AGO1: variants seen among roughly 807,000 people sequenced by gnomAD.
The protein encoded by AGO1 is protein argonaute-1.
AGO1 carries 11 observed loss-of-function variants against 109.2 expected under a neutral mutation model. The observed-to-expected ratio is 0.10, with a 90% CI of 0.06 to 0.17. The LOEUF (loss-of-function observed/expected upper bound fraction) is 0.17. Among genes scored for constraint, AGO1 ranks in the 10% least tolerant of loss-of-function variants. The pLI, the probability that AGO1 is intolerant of heterozygous loss-of-function variation, is 1.00. For missense variants in AGO1, 574 were observed against 1,140.3 expected, an observed-to-expected ratio of 0.50 and a Z score of 7.15; for synonymous variants, 422 against 418.6, an observed-to-expected ratio of 1.01 and a Z score of -0.10.
At chr1:35,917,981 C>T (rs538830472) in intron 16 of AGO1, among the ~76,000 whole-genome samples, 1 of 152,214 alleles carries the variant, frequency 6.6e-6, no homozygotes, top group South Asian at 2.1e-4. Context: ...AGACCAGCTC[C>T]TAGAGAAGGG....
intron 12 of AGO1, among the ~76,000 whole-genome samples, chr1:35,909,261 G>C: frequency 6.6e-6 from 1 of 152,192 alleles, no homozygotes; most frequent in East Asian, 1.9e-4. Context: ...ATCTTGCACT[G>C]TTCACTTGCC....
At chr1:35,882,460 A>G (rs144730923), upstream of AGO1, among the ~76,000 whole-genome samples, 47 of 152,302 alleles carry the variant, frequency 3.1e-4, no homozygotes, top group Admixed American at 5.9e-4. This position sits in a 1 kb window ranked among gnomAD's most constrained non-coding sequence, Gnocchi z 5.1. Context: ...AGGGAAGTAG[A>G]GGCACAGTGA....
At chr1:35,878,904 T>C (rs1471602912), upstream of AGO1, among the ~76,000 whole-genome samples, 1 of 152,118 alleles carries the variant, frequency 6.6e-6, no homozygotes, top group Non-Finnish European at 1.5e-5. Flanking sequence ...TGTTTTTTTT[T>C]TTAACATTAA....
At chr1:35,891,909 G>A (rs1234234408) in intron 2 of AGO1, among the ~76,000 whole-genome samples, 8 of 148,326 alleles carry the variant, frequency 5.4e-5, no homozygotes, top group African/African-American at 1.2e-4. Flanking sequence ...ACAGGGTCTC[G>A]CTGTGTCCCC....
chr1:35,871,779 A>AG (rs912505067), intron 1 of AGO1, among the ~76,000 whole-genome samples: 12 of 151,678 alleles, frequency 7.9e-5, no homozygotes, highest in Non-Finnish European at 1.6e-4. Flanking sequence ...TAAAAAAAAA[A>AG]TAATTGTTGC....
Position 35,903,734 on chromosome 1 carries a change from GC to G in AGO1, c.1397+1398del, listed in dbSNP as rs1645464591. On this transcript the variant is annotated intron_variant, in intron 11 of 18. Transcript: ENST00000373204. ...AAACCCAGCACTTTGGGAGGCTGAGGCGGGCGGATCACAAGGTCAGTAGTTT... is the reference window on the plus strand; with the variant it reads ...AAACCCAGCACTTTGGGAGGCTGAGGGGGCGGATCACAAGGTCAGTAGTTT... 2.0e-5 allele frequency among the ~76,000 whole-genome samples: 3 copies of G among 151,966 alleles called. No individual in the cohort carries two copies. The South Asian group carries it at 6.2e-4, about 32-fold the overall frequency.
At chr1:35,910,174 G>A (rs377083690) in intron 12 of AGO1, among the ~76,000 whole-genome samples, 1 of 147,390 alleles carries the variant, frequency 6.8e-6, no homozygotes, top group Non-Finnish European at 1.5e-5. Context: ...GCAGAAAAGA[G>A]TACCAGTCAG....
At position 35,930,526 on chromosome 1, in the gene AGO1, A is replaced by G. The variant is rs1646017835; in HGVS notation, c.*10919A>G. On this transcript the variant is annotated 3_prime_UTR_variant, in exon 19 of 19. Transcript: ENST00000373204. Reference sequence around the variant, plus strand: ...GAGGCGCTATTAAAGAGTTTTAAACATGGAAATTACTCGATCTGATGTTTG... The same window carrying G: ...GAGGCGCTATTAAAGAGTTTTAAACGTGGAAATTACTCGATCTGATGTTTG... 6.6e-6 allele frequency: 1 copy of G among 152,240 alleles called. No homozygotes were observed. The highest frequency in any genetic ancestry group is 1.5e-5 in the Non-Finnish European group (1 of 68,038). The allele number at this position is 152,240 out of a possible 1,614,324, so 9.4% of individuals were successfully genotyped here.
At chr1:35,908,372 A>G (rs569536487) in intron 12 of AGO1, among the ~76,000 whole-genome samples, 26 of 152,242 alleles carry the variant, frequency 1.7e-4, no homozygotes, top group Admixed American at 9.8e-4. Flanking sequence ...CTGCCTTTAC[A>G]TTTTATTAAA....
chr1:35,897,443 G>A (rs545560185), intron 8 of AGO1, among the ~76,000 whole-genome samples: 10 of 152,286 alleles, frequency 6.6e-5, no homozygotes, highest in African/African-American at 2.4e-4. Context: ...ATTGTGTGAG[G>A]GGAAAAGCAG....
rs779428711 is a variant in AGO1, at chr1:35,915,390, A to G, written c.1876A>G (p.Thr626Ala). The G allele has an allele frequency of 2.7e-5, 44 of 1,614,002 alleles. No homozygotes were observed. The highest frequency in any genetic ancestry group is 3.6e-5 in the Non-Finnish European group (42 of 1,180,034). Reference protein sequence around the residue: ...MDAHPSRYCATVRVQRPRQEI... With the variant: ...MDAHPSRYCAAVRVQRPRQEI... ...TGCCCACCCCAGCCGATACTGTGCT[A>G]CTGTGCGGGTACAGCGACCACGGCA... The change falls in exon 15 of 19, where the codon ACT (threonine) becomes GCT (alanine). Residue 626 changes from threonine (T) to alanine (A), a missense_variant. By Grantham distance (58) the Thr-to-Ala change is moderately conservative. This residue lies in a region of AGO1 where 68 missense variants were observed against 200.2 expected (regional missense o/e 0.34). Coordinates refer to ENST00000373204, the MANE Select transcript of AGO1 (RefSeq NM_012199.5).
intron 12 of AGO1, among the ~76,000 whole-genome samples, chr1:35,912,961 G>A (rs1645665088): frequency 6.6e-6 from 1 of 151,692 alleles, no homozygotes; most frequent in African/African-American, 2.4e-5. Context: ...TATAACTTGA[G>A]TCCCTTAAAT....
rs146059301 is a variant in AGO1, at chr1:35,902,155, A to C, written c.1264-49A>C. The stretch of plus-strand genomic sequence containing the variant: ...GCCAGGGGCTTTTGCTCCCCTACCC[A>C]CCTGACTCTACTGAGGCTCACCTAG... On this transcript the variant is annotated intron_variant, in intron 10 of 18. Coordinates refer to ENST00000373204, the MANE Select transcript of AGO1 (RefSeq NM_012199.5). 9.6e-4 allele frequency: 1,525 copies of C among 1,596,732 alleles called. 17 individuals are homozygous for C. The African/African-American group carries it at 0.016, about 17-fold the overall frequency.
chr1:35,895,926 A>T (rs548841526), intron 8 of AGO1, among the ~76,000 whole-genome samples: 1 of 152,354 alleles, frequency 6.6e-6, no homozygotes, highest in East Asian at 1.9e-4. Flanking sequence ...GGTCATGTGT[A>T]CCAATAGGAT....
Position 35,929,650 on chromosome 1 carries a change from T to G in AGO1, c.*10043T>G, listed in dbSNP as rs1349724926. On this transcript the variant is annotated 3_prime_UTR_variant, in exon 19 of 19. Coordinates refer to ENST00000373204, the MANE Select transcript of AGO1 (RefSeq NM_012199.5). ...GACATTTAATTTGATATTTTAAAAT[T>G]GGGGAGGGTATTTTCAGCCATGGGG... is the stretch of plus-strand genomic sequence containing the variant. 1 of 152,150 alleles carries G rather than the reference T, an allele frequency of 6.6e-6. No individual in the cohort carries two copies. Among genetic ancestry groups the G allele is most frequent in the Non-Finnish European group, 1.5e-5 (1 of 68,008 alleles). The allele number at this position is 152,150 out of a possible 1,614,324, so 9.4% of individuals were successfully genotyped here. A position where few individuals can be genotyped will look rare whatever the true frequency, so the allele number is the denominator to read the frequency against.
intron 17 of AGO1, 111 bp downstream of exon 17, chr1:35,918,534 T>C: frequency 1.1e-6 from 1 of 946,294 alleles, no homozygotes; most frequent in Non-Finnish European, 1.7e-6. Context: ...AGGATTGCTC[T>C]CTTTTCTGTT....
chr1:35,898,961 AT>A (rs1645368892), intron 8 of AGO1, among the ~76,000 whole-genome samples: 1 of 152,210 alleles, frequency 6.6e-6, no homozygotes, highest in Non-Finnish European at 1.5e-5. Context: ...CATTAAATAC[AT>A]TCATGCAGTT....
chr1:35,889,267 G>A (rs1156627014), intron 2 of AGO1, among the ~76,000 whole-genome samples: 4 of 149,822 alleles, frequency 2.7e-5, no homozygotes, highest in Non-Finnish European at 5.9e-5. Context: ...AGGCTGGAGT[G>A]CAATGGCGCG....
At position 35,914,294 on chromosome 1, in the gene AGO1, TG is replaced by T. The variant is rs767196969; in HGVS notation, c.1833+21del. 97 of 1,601,780 alleles carry T rather than the reference TG, an allele frequency of 6.1e-5. No individual in the cohort carries two copies. In the Middle Eastern group the frequency reaches 8.3e-4, roughly 14 times the overall value. On this transcript the variant is annotated intron_variant, in intron 14 of 18. Transcript: ENST00000373204. ...ACAGCAGTGAGTGATATTCTGTAGC[TG>T]CCTCATAAGGTTCTCCTCTTCGCTC...
Sources: gnomAD v4.1 joint callset for allele counts (sites outside exome capture counted in the v4.1 genomes callset) on GRCh38, gnomAD v4.1.1 for gene constraint, gnomAD v4.1.1 regional missense constraint, Gnocchi (gnomAD v3.1) non-coding constraint, MANE v1.5 for transcripts, NCBI Gene and HGNC (gene_info 2026-07-23, HGNC 2026-07-21) for gene names.